Variants in CLSTN2 observed in about 807,000 individuals in gnomAD.
CLSTN2 encodes calsyntenin-2.
CLSTN2 carries 48 observed loss-of-function variants against 101.2 expected under a neutral mutation model. The ratio of observed to expected loss-of-function variants is 0.47; its 90% CI spans 0.38 to 0.60. CLSTN2 has a LOEUF of 0.60. Ranked by LOEUF, CLSTN2 falls within the 20% of genes least tolerant of loss-of-function variation. The pLI, the probability that CLSTN2 is intolerant of heterozygous loss-of-function variation, is 0.00. For synonymous variants in CLSTN2, 481 were observed against 463.6 expected, an observed-to-expected ratio of 1.04 and a Z score of -0.48; for missense variants, 1,160 against 1,238.2, an observed-to-expected ratio of 0.94 and a Z score of 0.95.
chr3:140,005,681 T>G (rs575414746), intron 1 of CLSTN2, among the ~76,000 whole-genome samples: 55 of 152,354 alleles, frequency 3.6e-4, no homozygotes, highest in African/African-American at 1.2e-3. Flanking sequence ...AAGATAGGAC[T>G]GTATTTTAAT....
At chr3:140,202,659 G>T (rs945990876) in intron 2 of CLSTN2, among the ~76,000 whole-genome samples, 1 of 152,228 alleles carries the variant, frequency 6.6e-6, no homozygotes. Context: ...TTGGTAAACA[G>T]CTAGTCTTTT....
chr3:140,410,121 G>A (rs932111256), intron 4 of CLSTN2, among the ~76,000 whole-genome samples: 1 of 152,010 alleles, frequency 6.6e-6, no homozygotes, highest in African/African-American at 2.4e-5. Flanking sequence ...GAGGTAGAAA[G>A]CTTATTTAAA....
intron 1 of CLSTN2, among the ~76,000 whole-genome samples, chr3:140,164,975 A>C (rs911551243): frequency 6.6e-6 from 1 of 152,058 alleles, no homozygotes; most frequent in Non-Finnish European, 1.5e-5. Flanking sequence ...AGAAAATAGG[A>C]AAGAAGTGAG....
At chr3:140,405,642 G>T (rs1403826011) in intron 4 of CLSTN2, among the ~76,000 whole-genome samples, 1 of 152,154 alleles carries the variant, frequency 6.6e-6, no homozygotes, top group East Asian at 1.9e-4. Flanking sequence ...GAACAAGACT[G>T]GAAGCATTCC....
At chr3:140,314,284 C>T (rs2087206179) in intron 2 of CLSTN2, among the ~76,000 whole-genome samples, 1 of 152,236 alleles carries the variant, frequency 6.6e-6, no homozygotes, top group African/African-American at 2.4e-5. Context: ...CCCAGGCCTC[C>T]TGACGTGTTG....
rs557646696 is a variant in CLSTN2, at chr3:140,574,514, T to G, written c.*8261T>G. 4.9e-4 allele frequency: 74 copies of G among 152,358 alleles called. No individual in the cohort carries two copies. The highest frequency in any genetic ancestry group is 1.7e-3 in the African/African-American group (71 of 41,588). The allele number at this position is 152,358 out of a possible 1,614,324, so 9.4% of individuals were successfully genotyped here. A position where few individuals can be genotyped will look rare whatever the true frequency, so the allele number is the denominator to read the frequency against. ...CTCCAGTTCCTTTCATCAGATTTAC[T>G]GCAGAGCAGATTCATCAACATGAAG... On this transcript the variant is annotated 3_prime_UTR_variant, in exon 17 of 17. Transcript: ENST00000458420.
intron 8 of CLSTN2, among the ~76,000 whole-genome samples, chr3:140,477,122 G>A (rs150673824): frequency 2.6e-5 from 4 of 152,326 alleles, no homozygotes; most frequent in African/African-American, 9.6e-5. Context: ...CCAGCAGCGA[G>A]ATTAATTTGC....
At chr3:140,113,499 C>A (rs1471959266) in intron 1 of CLSTN2, among the ~76,000 whole-genome samples, 3 of 152,232 alleles carry the variant, frequency 2.0e-5, no homozygotes, top group African/African-American at 7.2e-5. Context: ...TTCCCAATCT[C>A]CTGTCCTACT....
At chr3:140,236,602 A>G (rs1251405138) in intron 2 of CLSTN2, among the ~76,000 whole-genome samples, 1 of 152,100 alleles carries the variant, frequency 6.6e-6, no homozygotes, top group Non-Finnish European at 1.5e-5. Context: ...AGTTATATGT[A>G]TGTTAGGCTG....
At chr3:139,963,006 ATATTAT>A (rs71146202) in intron 1 of CLSTN2, among the ~76,000 whole-genome samples, 1 of 151,552 alleles carries the variant, frequency 6.6e-6, no homozygotes. Flanking sequence ...CATTGATTTA[ATATTAT>A]TATTATTATT....
intron 2 of CLSTN2, among the ~76,000 whole-genome samples, chr3:140,188,909 T>C (rs928698745): frequency 2.6e-5 from 4 of 152,168 alleles, no homozygotes; most frequent in Admixed American, 2.6e-4. Context: ...CATTGCCCTT[T>C]TATGGCCATA....
At chr3:139,976,254 C>T (rs1935816020) in intron 1 of CLSTN2, among the ~76,000 whole-genome samples, 1 of 152,162 alleles carries the variant, frequency 6.6e-6, no homozygotes, top group Non-Finnish European at 1.5e-5. Flanking sequence ...GCTGATGTAC[C>T]CTGATCCCTT....
At chr3:140,229,123 T>C (rs2086349341) in intron 2 of CLSTN2, among the ~76,000 whole-genome samples, 1 of 152,032 alleles carries the variant, frequency 6.6e-6, no homozygotes, top group South Asian at 2.1e-4. Context: ...GTGGAGCAGA[T>C]CCATGAGCAT....
At chr3:139,953,931 T>TTTGTGTGTGTGTGTGTG (rs1935340525) in intron 1 of CLSTN2, among the ~76,000 whole-genome samples, 1 of 147,392 alleles carries the variant, frequency 6.8e-6, no homozygotes, top group Non-Finnish European at 1.5e-5. Context: ...GTGTGTGTGT[T>TTTGTGTGTGTGTGTGTG]TGTGTGTGTG....
intron 1 of CLSTN2, among the ~76,000 whole-genome samples, chr3:140,165,279 C>A (rs529287187): frequency 6.6e-6 from 1 of 152,264 alleles, no homozygotes; most frequent in African/African-American, 2.4e-5. Context: ...TACAGGAATA[C>A]CTACTCATTG....
At chr3:140,418,801 C>A (rs2088459922) in intron 4 of CLSTN2, among the ~76,000 whole-genome samples, 1 of 152,102 alleles carries the variant, frequency 6.6e-6, no homozygotes, top group South Asian at 2.1e-4. Flanking sequence ...CAGGTGTGAG[C>A]CACTGCGCCG....
chr3:140,190,681 A>G (rs1293548302), intron 2 of CLSTN2, among the ~76,000 whole-genome samples: 6 of 152,150 alleles, frequency 3.9e-5, no homozygotes, highest in Admixed American at 3.9e-4. Context: ...GAGTGACTGT[A>G]AATAGTATTG....
At chr3:140,176,095 G>A in intron 2 of CLSTN2, 22 bp downstream of exon 2, 1 of 1,612,064 alleles carries the variant, frequency 6.2e-7, no homozygotes, top group Non-Finnish European at 8.5e-7. Context: ...GCTTCGTACG[G>A]CTGGGCCTGG....
intron 2 of CLSTN2, among the ~76,000 whole-genome samples, chr3:140,190,679 G>A (rs887035951): frequency 4.3e-4 from 65 of 152,174 alleles, no homozygotes; most frequent in African/African-American, 1.5e-3. Context: ...TTGAGTGACT[G>A]TAAATAGTAT....
Sources: allele counts gnomAD v4.1 joint callset (sites outside exome capture counted in the v4.1 genomes callset), GRCh38; gene constraint gnomAD v4.1.1; transcripts MANE v1.5; gene names NCBI Gene and HGNC (gene_info 2026-07-23, HGNC 2026-07-21).